The following ZDHHC14 variants were observed in gnomAD, a reference collection of about 807,000 sequenced individuals.
ZDHHC14 encodes palmitoyltransferase ZDHHC14.
ZDHHC14 carries 16 observed loss-of-function variants against 47.7 expected under a neutral mutation model. The observed-to-expected ratio is 0.34, with a 90% CI of 0.23 to 0.51. The LOEUF (loss-of-function observed/expected upper bound fraction) is 0.51. Among genes scored for constraint, ZDHHC14 ranks in the 20% least tolerant of loss-of-function variants. The probability of loss-of-function intolerance (pLI) is 0.97; values close to 1 mark genes in which losing one functional copy is unlikely to be tolerated. For missense variants in ZDHHC14, 515 were observed against 662.5 expected (o/e 0.78, Z 2.44); for synonymous variants, 293 against 278.9 (o/e 1.05, Z -0.50).
intron 1 of ZDHHC14, among the ~76,000 whole-genome samples, chr6:157,409,140 T>C (rs1241325685): frequency 6.6e-6 from 1 of 152,212 alleles, no homozygotes; most frequent in Non-Finnish European, 1.5e-5. Flanking sequence ...AATGAGTCTG[T>C]CTTGTACTTC....
chr6:157,630,766 C>G (rs1785669172), intron 4 of ZDHHC14: 1 of 151,354 alleles, frequency 6.6e-6, no homozygotes, highest in Non-Finnish European at 1.5e-5. Context: ...CCCACACACA[C>G]CCTTACACAC....
At chr6:157,611,573 T>G (rs1784751491) in intron 3 of ZDHHC14, among the ~76,000 whole-genome samples, 1 of 152,162 alleles carries the variant, frequency 6.6e-6, no homozygotes, top group Non-Finnish European at 1.5e-5. Flanking sequence ...GCAGTGTCAG[T>G]GCCCAGTGCA....
chr6:157,387,641 C>G (rs192705224), intron 1 of ZDHHC14, among the ~76,000 whole-genome samples: 104 of 152,318 alleles, frequency 6.8e-4, no homozygotes, highest in African/African-American at 2.3e-3. Context: ...TCCACAAGAA[C>G]TTTAGGTGAC....
intron 1 of ZDHHC14, among the ~76,000 whole-genome samples, chr6:157,534,223 C>T (rs151086152): frequency 6.6e-6 from 1 of 152,190 alleles, no homozygotes; most frequent in Admixed American, 6.5e-5. Context: ...GTCTTCCCAG[C>T]ACACACACCA....
intron 1 of ZDHHC14, among the ~76,000 whole-genome samples, chr6:157,458,849 A>AATTTTTTTTTT (rs1434832129): frequency 2.5e-5 from 2 of 81,226 alleles, no homozygotes; most frequent in Admixed American, 1.7e-4. Flanking sequence ...ATGTGGGTGG[A>AATTTTTTTTTT]TTTTTTTTTT....
intron 1 of ZDHHC14, among the ~76,000 whole-genome samples, chr6:157,416,972 GTTTTTT>G (rs71027335): frequency 6.6e-5 from 3 of 45,558 alleles, no homozygotes; most frequent in African/African-American, 2.2e-4. Flanking sequence ...TGCCTGGCTA[GTTTTTT>G]TTTTTTTTTT....
intron 1 of ZDHHC14, among the ~76,000 whole-genome samples, chr6:157,530,686 A>G (rs1311132559): frequency 6.6e-6 from 1 of 152,168 alleles, no homozygotes; most frequent in African/African-American, 2.4e-5. Context: ...TCTACTCAAA[A>G]GCACCTTATT....
chr6:157,606,117 C>G (rs1784530926), intron 3 of ZDHHC14, among the ~76,000 whole-genome samples: 1 of 152,166 alleles, frequency 6.6e-6, no homozygotes, highest in African/African-American at 2.4e-5. Context: ...TAACACAGGT[C>G]TCTATGCCTC....
chr6:157,522,769 T>A lies in ZDHHC14; in HGVS notation c.246-19816T>A, dbSNP rs530021970. On this transcript the variant is annotated intron_variant, in intron 1 of 8. Transcript: ENST00000359775. Reference sequence around the variant, plus strand: ...CCTTTCTTCCTCCCTCCCTCCCTTCTTTCCTCCATCTCTCTTTCCATTCCT... The same window carrying A: ...CCTTTCTTCCTCCCTCCCTCCCTTCATTCCTCCATCTCTCTTTCCATTCCT... Among the ~76,000 whole-genome samples the A allele has an allele frequency of 8.5e-5, 4 of 46,984 alleles. 1 individual carries two copies. The highest frequency in any genetic ancestry group is 3.4e-4 in the African/African-American group (4 of 11,838). 30.8% of individuals were successfully genotyped at this position (46,984 alleles called of 152,430 possible). A position where few individuals can be genotyped will look rare whatever the true frequency, so the allele number is the denominator to read the frequency against.
intron 3 of ZDHHC14, among the ~76,000 whole-genome samples, chr6:157,627,568 G>C (rs999195547): frequency 5.9e-5 from 9 of 152,212 alleles, no homozygotes; most frequent in Admixed American, 5.2e-4. Context: ...TCTGCACTTA[G>C]GGTACCATGG....
At chr6:157,484,381 C>T (rs1024634444) in intron 1 of ZDHHC14, among the ~76,000 whole-genome samples, 172 of 143,494 alleles carry the variant, frequency 1.2e-3, no homozygotes, top group African/African-American at 4.3e-3. Context: ...TATATACACA[C>T]ATATATACGT....
chr6:157,670,130 C>T (rs1049450995), intron 8 of ZDHHC14, among the ~76,000 whole-genome samples: 1 of 152,160 alleles, frequency 6.6e-6, no homozygotes, highest in Non-Finnish European at 1.5e-5. Context: ...TAGCCCCCAC[C>T]GGAAGGGACC....
At chr6:157,651,482 G>A (rs1164971209) in intron 7 of ZDHHC14, among the ~76,000 whole-genome samples, 1 of 152,166 alleles carries the variant, frequency 6.6e-6, no homozygotes, top group African/African-American at 2.4e-5. Context: ...CTGCAGAGAC[G>A]CTACTTGCAA....
At chr6:157,588,629 A>G (rs1379850590) in intron 2 of ZDHHC14, among the ~76,000 whole-genome samples, 4 of 152,330 alleles carry the variant, frequency 2.6e-5, no homozygotes, top group South Asian at 2.1e-4. Flanking sequence ...TAAATCACCA[A>G]GTGCTCTGCG....
intron 1 of ZDHHC14, among the ~76,000 whole-genome samples, chr6:157,406,087 G>A (rs1467415110): frequency 6.6e-6 from 1 of 152,130 alleles, no homozygotes; most frequent in Non-Finnish European, 1.5e-5. Context: ...TTAATTCCTA[G>A]CGGGAGAGGT....
chr6:157,595,059 C>T (rs1485723444), intron 3 of ZDHHC14, among the ~76,000 whole-genome samples: 1 of 151,748 alleles, frequency 6.6e-6, no homozygotes, highest in Non-Finnish European at 1.5e-5. Context: ...ATCTGTAAAA[C>T]TAAAGGTCTT....
intron 1 of ZDHHC14, among the ~76,000 whole-genome samples, chr6:157,486,687 G>A (rs1779786527): frequency 6.6e-6 from 1 of 152,170 alleles, no homozygotes; most frequent in Non-Finnish European, 1.5e-5. Flanking sequence ...AGCTCACAGG[G>A]AGCCCGAGGG....
chr6:157,447,162 T>C (rs572234671), intron 1 of ZDHHC14, among the ~76,000 whole-genome samples: 1 of 152,284 alleles, frequency 6.6e-6, no homozygotes, highest in African/African-American at 2.4e-5. Flanking sequence ...CATTTGTAAA[T>C]AGACATTGTC....
At chr6:157,404,631 C>T (rs1450330944) in intron 1 of ZDHHC14, among the ~76,000 whole-genome samples, 1 of 152,140 alleles carries the variant, frequency 6.6e-6, no homozygotes, top group Non-Finnish European at 1.5e-5. Context: ...TAGCTGTTGA[C>T]CGTTTCCTAG....
Sources: allele counts gnomAD v4.1 joint callset (sites outside exome capture counted in the v4.1 genomes callset), GRCh38; gene constraint gnomAD v4.1.1; transcripts MANE v1.5; gene names NCBI Gene and HGNC (gene_info 2026-07-23, HGNC 2026-07-21).